The following RBMS3 variants were observed in gnomAD, a reference collection of about 807,000 sequenced individuals.
RBMS3 encodes RNA-binding motif, single-stranded-interacting protein 3.
A neutral mutation model predicts 66.8 loss-of-function variants in RBMS3; 27 were observed. The observed-to-expected ratio is 0.40, with a 90% CI of 0.30 to 0.56. The LOEUF (loss-of-function observed/expected upper bound fraction) is 0.56, where lower values mean the gene tolerates loss of function less well. Ranked by LOEUF, RBMS3 falls within the 20% of genes least tolerant of loss-of-function variation. The probability of loss-of-function intolerance (pLI) is 0.40; values close to 1 mark genes in which losing one functional copy is unlikely to be tolerated. For missense variants in RBMS3, 513 were observed against 549.5 expected (o/e 0.93, Z 0.66); for synonymous variants, 188 against 183.0 (o/e 1.03, Z -0.22).
At chr3:29,861,608 C>T (rs114159600) in intron 6 of RBMS3, among the ~76,000 whole-genome samples, 13 of 152,282 alleles carry the variant, frequency 8.5e-5, no homozygotes, top group East Asian at 1.9e-4. Context: ...TCAAACTGCA[C>T]GTATTTTAAA....
At chr3:29,914,806 A>G (rs1458833689) in intron 10 of RBMS3, among the ~76,000 whole-genome samples, 1 of 151,938 alleles carries the variant, frequency 6.6e-6, no homozygotes, top group Non-Finnish European at 1.5e-5. Flanking sequence ...GTTGATGTAA[A>G]GGTTTCAGAA....
chr3:29,702,245 G>C (rs2052637881), intron 4 of RBMS3, among the ~76,000 whole-genome samples: 1 of 151,994 alleles, frequency 6.6e-6, no homozygotes, highest in Admixed American at 6.6e-5. Context: ...TCTAGCTCAA[G>C]GTTTGTAAAT....
intron 4 of RBMS3, among the ~76,000 whole-genome samples, chr3:29,656,105 A>G (rs539652984): frequency 8.5e-5 from 13 of 152,292 alleles, no homozygotes; most frequent in African/African-American, 2.2e-4. Context: ...ATAAGGTAAA[A>G]AAGTTACAGT....
In RBMS3 at chr3:29,638,136, A is replaced by C. The variant is rs2049542148; in HGVS notation, c.399+50931A>C. Among the ~76,000 whole-genome samples, 5 of 151,894 alleles carry C rather than the reference A, an allele frequency of 3.3e-5. No individual in the cohort carries two copies. The South Asian group carries it at 1.0e-3, about 31-fold the overall frequency. ...ATGTTCTTGGAAAGCACAGGAAGACACGTCCCCCTATCCCCACCAAATAAG... is the reference window on the plus strand; with the variant it reads ...ATGTTCTTGGAAAGCACAGGAAGACCCGTCCCCCTATCCCCACCAAATAAG... On this transcript the variant is annotated intron_variant, in intron 4 of 14. Coordinates refer to ENST00000383767, the MANE Select transcript of RBMS3 (RefSeq NM_001003793.3).
At chr3:29,768,403 G>A (rs1273995596) in intron 6 of RBMS3, among the ~76,000 whole-genome samples, 1 of 151,808 alleles carries the variant, frequency 6.6e-6, no homozygotes, top group East Asian at 1.9e-4. Flanking sequence ...AGAGAGAAGA[G>A]GTGATTAAAT....
chr3:29,351,255 GTCT>G (rs1394040815), intron 1 of RBMS3, among the ~76,000 whole-genome samples: 1 of 152,048 alleles, frequency 6.6e-6, no homozygotes, highest in African/African-American at 2.4e-5. Context: ...CTCTAGGATC[GTCT>G]TCTTAGGATT....
chr3:29,299,551 G>A (rs971525096), intron 1 of RBMS3, among the ~76,000 whole-genome samples: 13 of 151,310 alleles, frequency 8.6e-5, no homozygotes, highest in South Asian at 2.1e-4. Context: ...TACCAACTGC[G>A]GGTTCCATCA....
chr3:29,676,359 G>T (rs531228764), intron 4 of RBMS3, among the ~76,000 whole-genome samples: 1 of 152,070 alleles, frequency 6.6e-6, no homozygotes, highest in Non-Finnish European at 1.5e-5. Flanking sequence ...CACCAACATG[G>T]CACATGTATA....
At chr3:29,295,589 T>G (rs972229484) in intron 1 of RBMS3, among the ~76,000 whole-genome samples, 5 of 151,346 alleles carry the variant, frequency 3.3e-5, no homozygotes, top group Non-Finnish European at 7.4e-5. Context: ...CTCTTGCAAA[T>G]AGCAATCTGA....
At chr3:29,920,021 T>C (rs1411565874) in intron 10 of RBMS3, among the ~76,000 whole-genome samples, 4 of 150,920 alleles carry the variant, frequency 2.7e-5, no homozygotes, top group Admixed American at 2.6e-4. Context: ...ATCTCTCTAC[T>C]TTTTTTTTAA....
Position 29,486,847 on chromosome 3 carries a change from A to G in RBMS3, c.249-1594A>G, listed in dbSNP as rs369820266. The stretch of plus-strand genomic sequence containing the variant: ...ATATAAAAATTTCAGGAACACCTTT[A>G]TAAACCAATTAAGAAGGATTTTTGT... On this transcript the variant is annotated intron_variant, in intron 2 of 14. Transcript: ENST00000383767. 1.6e-3 allele frequency among the ~76,000 whole-genome samples: 249 copies of G among 152,306 alleles called. 1 individual carries two copies. The highest frequency in any genetic ancestry group is 5.8e-3 in the African/African-American group (242 of 41,584).
At chr3:29,796,502 G>A (rs772835439) in intron 6 of RBMS3, among the ~76,000 whole-genome samples, 5 of 152,024 alleles carry the variant, frequency 3.3e-5, no homozygotes, top group Non-Finnish European at 5.9e-5. Flanking sequence ...ATCTATCAGA[G>A]GAATCACTAT....
chr3:29,797,380 A>AAG (rs2057238262), intron 6 of RBMS3, among the ~76,000 whole-genome samples: 1 of 152,166 alleles, frequency 6.6e-6, no homozygotes, highest in Admixed American at 6.5e-5. Context: ...CATAGAGTTG[A>AAG]AGAGAGTTAA....
intron 14 of RBMS3, among the ~76,000 whole-genome samples, chr3:30,000,395 G>A (rs1277925322): frequency 6.6e-6 from 1 of 152,178 alleles, no homozygotes; most frequent in Non-Finnish European, 1.5e-5. Context: ...AACAACAGAT[G>A]CTGGAGAGGA....
intron 6 of RBMS3, among the ~76,000 whole-genome samples, chr3:29,777,588 G>A (rs1383956661): frequency 6.6e-6 from 1 of 151,732 alleles, no homozygotes; most frequent in African/African-American, 2.4e-5. Flanking sequence ...CTTTCAAATG[G>A]AAGACAATGT....
chr3:29,972,054 C>G (rs1036904198), intron 12 of RBMS3, among the ~76,000 whole-genome samples: 6 of 152,240 alleles, frequency 3.9e-5, no homozygotes, highest in African/African-American at 1.4e-4. Context: ...AAATTTACCC[C>G]ACAATTACAT....
intron 3 of RBMS3, among the ~76,000 whole-genome samples, chr3:29,491,265 T>A (rs900082384): frequency 1.3e-5 from 2 of 152,182 alleles, no homozygotes; most frequent in Non-Finnish European, 2.9e-5. Flanking sequence ...CACGCTATTT[T>A]GCAACAGCTT....
At chr3:29,503,095 A>T (rs1312539968) in intron 3 of RBMS3, among the ~76,000 whole-genome samples, 1 of 152,080 alleles carries the variant, frequency 6.6e-6, no homozygotes. Flanking sequence ...TATCTTCTTG[A>T]TGGATGAATC....
intron 10 of RBMS3, among the ~76,000 whole-genome samples, chr3:29,913,056 C>T (rs943103725): frequency 1.3e-5 from 2 of 151,842 alleles, no homozygotes; most frequent in Admixed American, 6.6e-5. Flanking sequence ...CATAAGACCT[C>T]TTGGCTATCA....
Sources: allele counts gnomAD v4.1 joint callset (sites outside exome capture counted in the v4.1 genomes callset), GRCh38; gene constraint gnomAD v4.1.1; transcripts MANE v1.5; gene names NCBI Gene and HGNC (gene_info 2026-07-23, HGNC 2026-07-21).